The following TP53I11 variants were observed in gnomAD, a reference collection of about 807,000 sequenced individuals.
The protein encoded by TP53I11 is tumor protein p53 inducible protein 11.
In TP53I11, 9 loss-of-function variants were observed where a neutral mutation model predicts 23.3. The ratio of observed to expected loss-of-function variants is 0.39; its 90% CI spans 0.23 to 0.67. The LOEUF (loss-of-function observed/expected upper bound fraction) is 0.67, where lower values mean the gene tolerates loss of function less well. Among genes scored for constraint, TP53I11 ranks in the 30% least tolerant of loss-of-function variants. The pLI is 0.48. For synonymous variants in TP53I11, 100 were observed against 106.1 expected, an observed-to-expected ratio of 0.94 and a Z score of 0.35; for missense variants, 170 against 255.2, an observed-to-expected ratio of 0.67 and a Z score of 2.27.
At position 44,936,979 on chromosome 11, in the gene TP53I11, T is replaced by G; in HGVS notation, c.238-80A>C. ...CAGCTGATGCTTCCCACAGACGTCT[T>G]CCTTCCCCGCCAGGAGCAGGATCAG... On this transcript the variant is annotated intron_variant, in intron 4 of 6. Coordinates refer to ENST00000525680, the MANE Select transcript of TP53I11 (RefSeq NM_006034.5). This position sits in a 1 kb window ranked among gnomAD's most constrained non-coding sequence, Gnocchi z 4.4. 1 of 1,030,476 alleles carries G rather than the reference T, an allele frequency of 9.7e-7. No individual in the cohort carries two copies. The highest frequency in any genetic ancestry group is 1.6e-5 in the African/African-American group (1 of 61,546). The allele number at this position is 1,030,476 out of a possible 1,614,324, so 63.8% of individuals were successfully genotyped here.
chr11:44,937,421 AGGGATGGCAGCTTTG>A, intron 3 of TP53I11, 69 bp from the exon 4 acceptor site: 1 of 1,489,774 alleles, frequency 6.7e-7, no homozygotes. Flanking sequence ...CCAGATCCCC[AGGGATGGCAGCTTTG>A]GGGAAGGTAA....
In TP53I11 at chr11:44,936,695, C is replaced by A. The variant is rs544403630; in HGVS notation, c.334+108G>T. On this transcript the variant is annotated intron_variant, in intron 5 of 6. Transcript: ENST00000525680. This position sits in a 1 kb window ranked among gnomAD's most constrained non-coding sequence, Gnocchi z 4.4. ...CCGGGGTGTGGGCGCAGCATCTGGCCGAAGAAAGGAAGGGGTGCCCGGGCA... is the reference window on the plus strand; with the variant it reads ...CCGGGGTGTGGGCGCAGCATCTGGCAGAAGAAAGGAAGGGGTGCCCGGGCA... 52 of 1,365,732 alleles carry A rather than the reference C, an allele frequency of 3.8e-5. No homozygotes were observed. Among genetic ancestry groups the A allele is most frequent in the Non-Finnish European group, 4.6e-5 (49 of 1,054,092 alleles). 84.6% of individuals were successfully genotyped at this position (1,365,732 alleles called of 1,614,324 possible). A position where few individuals can be genotyped will look rare whatever the true frequency, so the allele number is the denominator to read the frequency against.
At chr11:44,943,959 C>T (rs1010859879) in intron 1 of TP53I11, among the ~76,000 whole-genome samples, 2 of 152,072 alleles carry the variant, frequency 1.3e-5, no homozygotes, top group African/African-American at 4.8e-5. Flanking sequence ...GTGCCCCAGG[C>T]CACATGGAAG....
chr11:44,942,391 AACCACAAACACCACACAC>A (rs1343797390), intron 1 of TP53I11, among the ~76,000 whole-genome samples: 18 of 116,674 alleles, frequency 1.5e-4, no homozygotes, highest in African/African-American at 5.6e-4. Flanking sequence ...ACACCACACA[AACCACAAACACCACACAC>A]ACACCACACA....
At position 44,950,864 on chromosome 11, in the gene TP53I11, G is replaced by T. The variant is rs1406355475; in HGVS notation, c.-219C>A. ...CTGGACTGCGCGCGGCGCCCTGCGC[G>T]GCCGGGGCTTACCGAGTCTGGCGGC... On this transcript the variant is annotated 5_prime_UTR_variant, in exon 1 of 7. Coordinates refer to ENST00000525680, the MANE Select transcript of TP53I11 (RefSeq NM_006034.5). 6.6e-6 allele frequency: 1 copy of T among 152,412 alleles called. No individual in the cohort carries two copies. Among genetic ancestry groups the T allele is most frequent in the Non-Finnish European group, 1.5e-5 (1 of 68,520 alleles). 9.4% of individuals were successfully genotyped at this position (152,412 alleles called of 1,614,324 possible). A position where few individuals can be genotyped will look rare whatever the true frequency, so the allele number is the denominator to read the frequency against.
chr11:44,935,349 T>G (rs1451978604), intron 6 of TP53I11, among the ~76,000 whole-genome samples: 1 of 152,086 alleles, frequency 6.6e-6, no homozygotes, highest in Non-Finnish European at 1.5e-5. Context: ...GTGTGTGGAT[T>G]TGGGAAGCTA....
In TP53I11 at chr11:44,937,304, C is replaced by T; in HGVS notation, c.237G>A (p.Met79Ile). 3 of 1,508,148 alleles carry T rather than the reference C, an allele frequency of 2.0e-6. No individual in the cohort carries two copies. Among genetic ancestry groups the T allele is most frequent in the Non-Finnish European group, 2.7e-6 (3 of 1,129,724 alleles). 93.4% of individuals were successfully genotyped at this position (1,508,148 alleles called of 1,614,324 possible). A position where few individuals can be genotyped will look rare whatever the true frequency, so the allele number is the denominator to read the frequency against. ...SAVLFSGIAI[M>I]ALAFPDQLYD... ...TCAGGGGCTGGGGGTGGGGGCTCACCATGATGGCAATGCCGGAGAAGAGCA... is the reference window on the plus strand; with the variant it reads ...TCAGGGGCTGGGGGTGGGGGCTCACTATGATGGCAATGCCGGAGAAGAGCA... The change falls in exon 4 of 7, where the codon ATG becomes ATA. Residue 79 changes from methionine to isoleucine, a missense_variant and splice_region_variant. Transcript: ENST00000525680.
Position 44,937,337 on chromosome 11 carries a change from G to A in TP53I11, c.204C>T (p.Val68=). The change falls in exon 4 of 7, where the codon GTC becomes GTT. Residue 68 remains valine (V), a synonymous_variant. Transcript: ENST00000525680. ...EPLGLRVWQF[V]SAVLFSGIAI... is the part of the protein sequence containing the mutation. ...CAATGCCGGAGAAGAGCACAGCAGA[G>A]ACGAACTGCCAGACCCTGGGAGGCG... The A allele has an allele frequency of 6.7e-7, 1 of 1,487,368 alleles. No individual in the cohort carries two copies. Among genetic ancestry groups the A allele is most frequent in the Middle Eastern group, 2.0e-4 (1 of 5,016 alleles). The allele number at this position is 1,487,368 out of a possible 1,614,324, so 92.1% of individuals were successfully genotyped here. A position where few individuals can be genotyped will look rare whatever the true frequency, so the allele number is the denominator to read the frequency against.
chr11:44,950,504 G>C (rs1319095182), intron 1 of TP53I11, among the ~76,000 whole-genome samples, 173 bp downstream of exon 1: 1 of 151,992 alleles, frequency 6.6e-6, no homozygotes, highest in African/African-American at 2.4e-5. Context: ...GTCCCAGCGG[G>C]CTCAGCGGGT....
At chr11:44,941,524 C>G (rs1354827406) in intron 1 of TP53I11, among the ~76,000 whole-genome samples, 1 of 152,164 alleles carries the variant, frequency 6.6e-6, no homozygotes, top group Non-Finnish European at 1.5e-5. Flanking sequence ...CACTTAACCT[C>G]TACGTGCCTC....
At chr11:44,945,302 C>T (rs902577373) in intron 1 of TP53I11, among the ~76,000 whole-genome samples, 9 of 152,182 alleles carry the variant, frequency 5.9e-5, no homozygotes, top group Non-Finnish European at 1.0e-4. Flanking sequence ...CCCTGCTATC[C>T]CCACCACAAC....
chr11:44,941,478 A>G (rs950641677), intron 1 of TP53I11, among the ~76,000 whole-genome samples: 3 of 152,324 alleles, frequency 2.0e-5, no homozygotes, highest in Admixed American at 1.3e-4. Flanking sequence ...TCCCAGATCC[A>G]TCACTGCCTG....
In TP53I11 at chr11:44,936,518, C is replaced by T; in HGVS notation, c.334+285G>A. The T allele has an allele frequency of 8.0e-7, 1 of 1,246,208 alleles. No homozygotes were observed. The allele number at this position is 1,246,208 out of a possible 1,614,324, so 77.2% of individuals were successfully genotyped here. ...TTCCTAGAGGCTGGGCCTGGGCTTC[C>T]TCCATCTCTGTACCACAACGCCCAG... On this transcript the variant is annotated intron_variant, in intron 5 of 6. Coordinates refer to ENST00000525680, the MANE Select transcript of TP53I11 (RefSeq NM_006034.5). This position sits in a 1 kb window ranked among gnomAD's most constrained non-coding sequence, Gnocchi z 4.4.
chr11:44,945,151 C>T (rs2135498106), intron 1 of TP53I11, among the ~76,000 whole-genome samples: 1 of 152,302 alleles, frequency 6.6e-6, no homozygotes, highest in Admixed American at 6.5e-5. Flanking sequence ...AGCCAAGGAG[C>T]CACTGCCTTT....
At chr11:44,935,748 G>A (rs777065016) in intron 5 of TP53I11, 86 bp from the exon 6 acceptor site, 5 of 928,468 alleles carry the variant, frequency 5.4e-6, no homozygotes, top group Non-Finnish European at 8.4e-6. Context: ...GCTTCCTCTG[G>A]CCACTGCTGC....
In TP53I11 at chr11:44,938,300, C is replaced by T; in HGVS notation, c.36G>A (p.Lys12=). 6.2e-7 allele frequency: 1 copy of T among 1,612,014 alleles called. No individual in the cohort carries two copies. The highest frequency in any genetic ancestry group is 8.5e-7 in the Non-Finnish European group (1 of 1,179,264). The change falls in exon 2 of 7, where the codon AAG becomes AAA. Residue 12 remains lysine, a synonymous_variant. Coordinates refer to ENST00000525680, the MANE Select transcript of TP53I11 (RefSeq NM_006034.5). ...GGCTCACGAGGTCCGTCTGGCTGTGCTTCTTCATCAGAGGCGGGGGCTGCT... is the reference window on the plus strand; with the variant it reads ...GGCTCACGAGGTCCGTCTGGCTGTGTTTCTTCATCAGAGGCGGGGGCTGCT... The part of the protein sequence containing the change: ...AAKQPPPLMK[K]HSQTDLVSRL...
intron 1 of TP53I11, among the ~76,000 whole-genome samples, chr11:44,945,556 C>T (rs1039043226): frequency 2.1e-4 from 32 of 152,040 alleles, no homozygotes; most frequent in Admixed American, 1.8e-3. Flanking sequence ...GCAACTCCCC[C>T]GGAAAGTCCC....
intron 1 of TP53I11, among the ~76,000 whole-genome samples, chr11:44,942,429 T>G (rs796167315): frequency 6.8e-6 from 1 of 146,274 alleles, no homozygotes; most frequent in Admixed American, 6.8e-5. Flanking sequence ...ACACACACCA[T>G]ACACACACAC....
In TP53I11 at chr11:44,936,441, G is replaced by A; in HGVS notation, c.334+362C>T. ...GCTCTGGGGATAAAATAGGGGGGGT[G>A]CGAGGGGTTTTGCAGACACTGAATT... On this transcript the variant is annotated intron_variant, in intron 5 of 6. Coordinates refer to ENST00000525680, the MANE Select transcript of TP53I11 (RefSeq NM_006034.5). This position sits in a 1 kb window ranked among gnomAD's most constrained non-coding sequence, Gnocchi z 4.4. 1 of 1,232,864 alleles carries A rather than the reference G, an allele frequency of 8.1e-7. No individual in the cohort carries two copies. Among genetic ancestry groups the A allele is most frequent in the Non-Finnish European group, 1.0e-6 (1 of 989,272 alleles). The allele number at this position is 1,232,864 out of a possible 1,614,324, so 76.4% of individuals were successfully genotyped here.
Sources: gnomAD v4.1 joint callset for allele counts (sites outside exome capture counted in the v4.1 genomes callset) on GRCh38, gnomAD v4.1.1 for gene constraint, Gnocchi (gnomAD v3.1) non-coding constraint, MANE v1.5 for transcripts, NCBI Gene and HGNC (gene_info 2026-07-23, HGNC 2026-07-21) for gene names.